Variants in SATL1 observed in about 807,000 individuals in gnomAD.
The protein encoded by SATL1 is spermidine/spermine N1-acetyl transferase like 1.
Under a neutral mutation model 51.8 loss-of-function variants are expected in SATL1, and 47 were observed. That is an observed-to-expected ratio of 0.91 (90% CI 0.72 to 1.16). SATL1 has a LOEUF of 1.16. SATL1 is among the 50% of genes most tolerant of loss of function. The pLI, the probability that SATL1 is intolerant of heterozygous loss-of-function variation, is 0.00. For missense variants in SATL1, 520 were observed against 526.4 expected (o/e 0.99, Z 0.12); for synonymous variants, 176 against 182.4 (o/e 0.97, Z 0.28).
At position 85,224,185 on chromosome X, in the gene SATL1, G is replaced by A. The variant is rs749129672; in HGVS notation, c.-313+20C>T. The A allele has an allele frequency of 1.8e-5, 2 of 111,538 alleles. No homozygotes were observed. The highest frequency in any genetic ancestry group is 9.5e-5 in the Admixed American group (1 of 10,517). 9.2% of individuals were successfully genotyped at this position (111,538 alleles called of 1,213,427 possible). A position where few individuals can be genotyped will look rare whatever the true frequency, so the allele number is the denominator to read the frequency against. On this transcript the variant is annotated intron_variant, in intron 2 of 7. Transcript: ENST00000644105. ...GGTCACGCTCCCTCCAGAGGCTCTA[G>A]GGGAAAATCCATTCCTTACCTCTTC...
rs993518575 is a variant in SATL1, at chrX:85,109,125, C to T, written c.-157G>A. On this transcript the variant is annotated 5_prime_UTR_variant, in exon 3 of 8. Coordinates refer to ENST00000644105, the MANE Select transcript of SATL1 (RefSeq NM_001367857.2). ...GTTCCCAGTTCTTCTCAATTTGATT[C>T]GCCCACTTTGAGATACCCCTCTATC... 12 of 506,079 alleles carry T rather than the reference C, an allele frequency of 2.4e-5. No individual in the cohort carries two copies. Among genetic ancestry groups the T allele is most frequent in the Admixed American group, 4.0e-5 (1 of 25,176 alleles). The allele number at this position is 506,079 out of a possible 1,213,427, so 41.7% of individuals were successfully genotyped here.
At chrX:85,171,356 A>G (rs1041284996) in intron 2 of SATL1, among the ~76,000 whole-genome samples, 3 of 111,581 alleles carry the variant, frequency 2.7e-5, no homozygotes, top group African/African-American at 9.7e-5. Context: ...TAGCATCAAC[A>G]CTCTAAGAAC....
intron 2 of SATL1, among the ~76,000 whole-genome samples, chrX:85,146,120 G>A (rs113767635): frequency 0.049 from 5,420 of 110,446 alleles, 366 homozygotes; most frequent in African/African-American, 0.17. Context: ...GGCTGATCTC[G>A]TTCTCCTGAC....
chrX:85,182,377 TA>T (rs1927224206), intron 2 of SATL1, among the ~76,000 whole-genome samples: 1 of 111,968 alleles, frequency 8.9e-6, no homozygotes, highest in Non-Finnish European at 1.9e-5. Flanking sequence ...TTCATTAACA[TA>T]ATGTTCTCCA....
intron 4 of SATL1, among the ~76,000 whole-genome samples, chrX:85,095,356 CTG>C (rs781590600): frequency 1.3e-4 from 15 of 111,773 alleles, no homozygotes; most frequent in Admixed American, 1.2e-3. Context: ...TGTGTTTTGA[CTG>C]TGTGTTGTTA....
At chrX:85,229,093 G>A (rs962015262) in intron 1 of SATL1, among the ~76,000 whole-genome samples, 6 of 111,354 alleles carry the variant, frequency 5.4e-5, no homozygotes, top group Non-Finnish European at 1.1e-4. Flanking sequence ...CAATCTACCA[G>A]TGAAATGCTA....
chrX:85,163,019 T>C (rs1569239950), intron 2 of SATL1, among the ~76,000 whole-genome samples: 2 of 109,453 alleles, frequency 1.8e-5, no homozygotes, highest in East Asian at 5.7e-4. Flanking sequence ...TTTTTTTATG[T>C]CCTTTCCTGG....
intron 2 of SATL1, among the ~76,000 whole-genome samples, chrX:85,197,924 T>C (rs1927608392): frequency 9.1e-6 from 1 of 110,494 alleles, no homozygotes; most frequent in South Asian, 3.9e-4. Context: ...CTAGATCTTA[T>C]TCATTCTATC....
At chrX:85,159,729 G>T (rs1926673563) in intron 2 of SATL1, among the ~76,000 whole-genome samples, 1 of 111,123 alleles carries the variant, frequency 9.0e-6, no homozygotes, top group Admixed American at 9.5e-5. Context: ...GCATGCAGTT[G>T]CTGGAGGGTC....
Position 85,139,872 on chromosome X carries a change from C to G in SATL1, c.-312-30592G>C, listed in dbSNP as rs770320843. Among the ~76,000 whole-genome samples the G allele has an allele frequency of 1.3e-4, 14 of 111,562 alleles. No homozygotes were observed. In the South Asian group the frequency reaches 4.9e-3, roughly 39 times the overall value. On this transcript the variant is annotated intron_variant, in intron 2 of 7. Coordinates refer to ENST00000644105, the MANE Select transcript of SATL1 (RefSeq NM_001367857.2). ...AATATTTTTACTAAAGTATTACATT[C>G]AGAAAAGTATCATAAATGCACAGTT...
chrX:85,096,317 AAG>A (rs956384861), intron 4 of SATL1, among the ~76,000 whole-genome samples: 6 of 111,310 alleles, frequency 5.4e-5, no homozygotes, highest in African/African-American at 2.0e-4. Context: ...AAGTTGAAGA[AAG>A]AGTCTGTGAA....
chrX:85,201,388 T>A (rs1377832166), intron 2 of SATL1, among the ~76,000 whole-genome samples: 1 of 111,485 alleles, frequency 9.0e-6, no homozygotes, highest in Non-Finnish European at 1.9e-5. Context: ...TTGTATCGTG[T>A]GCCACTGTAT....
intron 2 of SATL1, among the ~76,000 whole-genome samples, chrX:85,149,461 G>A (rs945061104): frequency 4.5e-5 from 5 of 111,117 alleles, no homozygotes; most frequent in East Asian, 5.6e-4. Context: ...TGCATCAAGC[G>A]GACCTATTAT....
intron 2 of SATL1, among the ~76,000 whole-genome samples, chrX:85,127,727 T>C (rs142912279): frequency 0.15 from 16,609 of 110,633 alleles, 1,367 homozygotes; most frequent in African/African-American, 0.31. Flanking sequence ...ACATGTGCCA[T>C]GTTGGTGTGC....
At chrX:85,129,403 T>A (rs960542704) in intron 2 of SATL1, among the ~76,000 whole-genome samples, 6 of 111,360 alleles carry the variant, frequency 5.4e-5, no homozygotes, top group East Asian at 5.6e-4. Context: ...ATTCTCTTTG[T>A]AGCAATTGTG....
chrX:85,142,265 G>T (rs920301663), intron 2 of SATL1, among the ~76,000 whole-genome samples: 1 of 105,974 alleles, frequency 9.4e-6, no homozygotes, highest in Admixed American at 1.0e-4. Flanking sequence ...GCGTGGTGGC[G>T]GGCACCTGTA....
intron 2 of SATL1, among the ~76,000 whole-genome samples, chrX:85,148,479 T>A (rs1311001827): frequency 1.5e-4 from 17 of 109,931 alleles, no homozygotes; most frequent in Admixed American, 2.0e-4. Context: ...ACAAAGATAT[T>A]CCTCGAGAAG....
intron 2 of SATL1, among the ~76,000 whole-genome samples, chrX:85,196,576 A>G (rs766027700): frequency 5.0e-4 from 56 of 112,019 alleles, no homozygotes; most frequent in Non-Finnish European, 7.1e-4. Context: ...TAAGACAGCG[A>G]AGTACTTCAA....
At chrX:85,107,124 T>A (rs990209590) in intron 3 of SATL1, among the ~76,000 whole-genome samples, 2 of 112,035 alleles carry the variant, frequency 1.8e-5, no homozygotes, top group African/African-American at 6.5e-5. Context: ...TATGTTATTG[T>A]TTCATAACAA....
Sources: allele counts gnomAD v4.1 joint callset (sites outside exome capture counted in the v4.1 genomes callset), GRCh38; gene constraint gnomAD v4.1.1; transcripts MANE v1.5; gene names NCBI Gene and HGNC (gene_info 2026-07-23, HGNC 2026-07-21).